The following PTH2R variants were observed in gnomAD, a reference collection of about 807,000 sequenced individuals.
PTH2R encodes the protein parathyroid hormone 2 receptor, also known as PTH2 receptor.
A neutral mutation model predicts 60.3 loss-of-function variants in PTH2R; 59 were observed. The observed-to-expected ratio is 0.98, with a 90% confidence interval of 0.79 to 1.22. The LOEUF is 1.22. Among genes scored for constraint, PTH2R ranks in the 50% most tolerant of loss-of-function variants. The pLI is 0.00. For missense variants in PTH2R, 749 were observed against 682.6 expected, an observed-to-expected ratio of 1.10 and a Z score of -1.08; for synonymous variants, 256 against 243.8, an observed-to-expected ratio of 1.05 and a Z score of -0.47.
At chr2:208,389,938 G>A (rs527950631) in intron 1 of PTH2R, among the ~76,000 whole-genome samples, 1 of 152,036 alleles carries the variant, frequency 6.6e-6, no homozygotes, top group Non-Finnish European at 1.5e-5. Context: ...GTTATAGAAG[G>A]GTCTCGAGTT....
intron 1 of PTH2R, among the ~76,000 whole-genome samples, chr2:208,392,368 A>G (rs1291992400): frequency 1.3e-5 from 2 of 152,184 alleles, no homozygotes; most frequent in Non-Finnish European, 2.9e-5. Context: ...GCCCTTTCCT[A>G]GCCTCTGGCC....
At chr2:208,450,183 T>C (rs1702375268) in intron 7 of PTH2R, among the ~76,000 whole-genome samples, 1 of 152,180 alleles carries the variant, frequency 6.6e-6, no homozygotes, top group Non-Finnish European at 1.5e-5. Flanking sequence ...ATCAGACAAA[T>C]ATAGTGGTCA....
At chr2:208,414,428 AAT>A (rs1701598979) in intron 1 of PTH2R, among the ~76,000 whole-genome samples, 1 of 151,996 alleles carries the variant, frequency 6.6e-6, no homozygotes, top group South Asian at 2.1e-4. Flanking sequence ...GTGTAGATAT[AAT>A]ATATCCTGCA....
intron 9 of PTH2R, among the ~76,000 whole-genome samples, chr2:208,471,769 G>C (rs1396795849): frequency 1.3e-5 from 2 of 152,156 alleles, no homozygotes; most frequent in Non-Finnish European, 2.9e-5. Context: ...ACCCCAGAAT[G>C]GTAGCTCCAC....
chr2:208,379,653 A>G (rs1408474536), intron 1 of PTH2R, among the ~76,000 whole-genome samples: 3 of 151,948 alleles, frequency 2.0e-5, no homozygotes, highest in Admixed American at 6.5e-5. Flanking sequence ...TGAGGTCAGG[A>G]GTTTGAGACC....
intron 1 of PTH2R, among the ~76,000 whole-genome samples, chr2:208,408,747 A>G (rs1288328808): frequency 1.3e-5 from 2 of 151,804 alleles, no homozygotes; most frequent in East Asian, 3.9e-4. Flanking sequence ...AGAAAGAGAG[A>G]GAGAGAGAGA....
chr2:208,460,506 CA>C (rs1422337321), intron 9 of PTH2R, among the ~76,000 whole-genome samples: 1 of 151,900 alleles, frequency 6.6e-6, no homozygotes, highest in Non-Finnish European at 1.5e-5. Context: ...AAAGTAATGG[CA>C]AAAAACACAA....
chr2:208,467,753 C>T (rs1158310163), intron 9 of PTH2R, among the ~76,000 whole-genome samples: 1 of 152,138 alleles, frequency 6.6e-6, no homozygotes, highest in Non-Finnish European at 1.5e-5. Flanking sequence ...TGCTATCTCT[C>T]TTGATGTTAG....
intron 9 of PTH2R, among the ~76,000 whole-genome samples, chr2:208,478,542 C>G (rs374367209): frequency 1.3e-5 from 2 of 152,314 alleles, no homozygotes; most frequent in Admixed American, 1.3e-4. Flanking sequence ...CCCTCCCTTT[C>G]GGAGGATTCT....
chr2:208,422,968 G>A (rs1463095299), intron 1 of PTH2R, among the ~76,000 whole-genome samples: 1 of 151,860 alleles, frequency 6.6e-6, no homozygotes, highest in Admixed American at 6.6e-5. Context: ...TTTAATTTGT[G>A]TATTCTTCCT....
chr2:208,465,096 C>T (rs909748645), intron 9 of PTH2R, among the ~76,000 whole-genome samples: 1 of 152,040 alleles, frequency 6.6e-6, no homozygotes, highest in Non-Finnish European at 1.5e-5. Context: ...CTGCCTCAGC[C>T]TCCTGAGTAA....
intron 1 of PTH2R, among the ~76,000 whole-genome samples, chr2:208,368,558 A>G (rs1700637215): frequency 2.0e-5 from 3 of 151,704 alleles, no homozygotes; most frequent in African/African-American, 7.3e-5. Flanking sequence ...TTCTGGCACT[A>G]CCCCAACACC....
exon 1 of PTH2R, chr2:208,360,018 A>T (rs904973905): frequency 3.0e-6 from 1 of 334,270 alleles, no homozygotes; most frequent in African/African-American, 2.2e-5. Context: ...GTCCCTATCC[A>T]CCCACAGGTT....
chr2:208,491,475 C>T (rs1404980401), intron 12 of PTH2R, among the ~76,000 whole-genome samples: 1 of 152,136 alleles, frequency 6.6e-6, no homozygotes, highest in Non-Finnish European at 1.5e-5. Flanking sequence ...GGAGAATAAA[C>T]CTGGGAGGGG....
rs1419867065 is a variant in PTH2R, at chr2:208,407,085, A to G, written c.42A>G (p.Leu14=). 7.2e-7 allele frequency: 1 copy of G among 1,395,844 alleles called. No individual in the cohort carries two copies. Among genetic ancestry groups the G allele is most frequent in the Non-Finnish European group, 9.4e-7 (1 of 1,067,864 alleles). 86.5% of individuals were successfully genotyped at this position (1,395,844 alleles called of 1,614,324 possible). ...CGTCGCTCCACGTCTGGGGTTGGCT[A>G]ATGCTCGGCAGCTGCCTCCTGGCCA... The part of the protein sequence containing the change: ...LGASLHVWGW[L]MLGSCLLARA... The change falls in exon 1 of 13, where the codon CTA becomes CTG. Residue 14 remains leucine (L), a synonymous_variant. Coordinates refer to ENST00000272847, the MANE Select transcript of PTH2R (RefSeq NM_005048.4).
At chr2:208,439,956 G>A (rs918098155) in intron 4 of PTH2R, among the ~76,000 whole-genome samples, 1 of 152,108 alleles carries the variant, frequency 6.6e-6, no homozygotes, top group Non-Finnish European at 1.5e-5. Context: ...ATGTTTCAAC[G>A]AGTTTAAATT....
upstream of PTH2R, among the ~76,000 whole-genome samples, chr2:208,402,661 C>T (rs964612327): frequency 2.0e-5 from 3 of 152,158 alleles, no homozygotes; most frequent in Admixed American, 2.0e-4. Flanking sequence ...GTATTTGGTA[C>T]ATTCTTGGGA....
At chr2:208,460,369 A>G (rs1702610104) in intron 9 of PTH2R, among the ~76,000 whole-genome samples, 1 of 152,152 alleles carries the variant, frequency 6.6e-6, no homozygotes, top group Non-Finnish European at 1.5e-5. Flanking sequence ...AGAGAGAAGA[A>G]TGGTAATATG....
intron 8 of PTH2R, among the ~76,000 whole-genome samples, 175 bp from the exon 9 acceptor site, chr2:208,459,720 C>T (rs903547968): frequency 1.3e-5 from 2 of 152,218 alleles, no homozygotes. Flanking sequence ...AAAATCAATA[C>T]CCGTTACACT....
Sources: gnomAD v4.1 joint callset for allele counts (sites outside exome capture counted in the v4.1 genomes callset) on GRCh38, gnomAD v4.1.1 for gene constraint, MANE v1.5 for transcripts, NCBI Gene and HGNC (gene_info 2026-07-23, HGNC 2026-07-21) for gene names.